The following PYM1 variants were observed in gnomAD, a reference collection of about 807,000 sequenced individuals.
PYM1 encodes the protein PYM1 exon junction complex associated factor.
In PYM1, 7 loss-of-function variants were observed where a neutral mutation model predicts 20.7. That is an observed-to-expected ratio of 0.34 (90% CI 0.19 to 0.64). The LOEUF (loss-of-function observed/expected upper bound fraction) is 0.64, where lower values mean the gene tolerates loss of function less well. Ranked by LOEUF, PYM1 falls within the 30% of genes least tolerant of loss-of-function variation. PYM1 has a pLI of 0.74. For missense variants in PYM1, 194 were observed against 250.0 expected (o/e 0.78, Z 1.51); for synonymous variants, 100 against 99.2 (o/e 1.01, Z -0.05).
rs1240092233 is a variant in PYM1, at chr12:55,926,203, CATT to C, written c.37+1519_37+1521del. On this transcript the variant is annotated intron_variant, in intron 1 of 2. Coordinates refer to ENST00000408946, the MANE Select transcript of PYM1 (RefSeq NM_032345.3). ...GCTTTTACATATATTATTTGATCAT[CATT>C]GAGTAGCTATTACTACTATGCATAT... 1.5e-4 allele frequency among the ~76,000 whole-genome samples: 23 copies of C among 152,200 alleles called. 1 individual carries two copies. Among genetic ancestry groups the C allele is most frequent in the East Asian group, 7.7e-4 (4 of 5,206 alleles).
At chr12:55,911,771 G>T (rs905697067) in intron 1 of PYM1, among the ~76,000 whole-genome samples, 1 of 151,950 alleles carries the variant, frequency 6.6e-6, no homozygotes, top group Non-Finnish European at 1.5e-5. Flanking sequence ...ATCCCAGGAG[G>T]GGGAGGTTGC....
intron 1 of PYM1, among the ~76,000 whole-genome samples, chr12:55,905,035 T>C (rs1283158847): frequency 2.0e-5 from 3 of 151,586 alleles, no homozygotes; most frequent in African/African-American, 2.4e-5. Flanking sequence ...AGAGTCTCGC[T>C]CTGTCGCCCA....
chr12:55,926,816 G>T (rs1480306828), intron 1 of PYM1, among the ~76,000 whole-genome samples: 7 of 152,166 alleles, frequency 4.6e-5, no homozygotes, highest in African/African-American at 1.7e-4. Context: ...CTGGAGAAAA[G>T]CTAAGGGCCC....
At chr12:55,919,933 G>T (rs1291107748) in intron 1 of PYM1, among the ~76,000 whole-genome samples, 1 of 151,962 alleles carries the variant, frequency 6.6e-6, no homozygotes, top group East Asian at 1.9e-4. Flanking sequence ...TAGGCTGGGT[G>T]CAGTGGCTCA....
At chr12:55,904,749 C>T (rs1416538016) in intron 1 of PYM1, among the ~76,000 whole-genome samples, 1 of 151,566 alleles carries the variant, frequency 6.6e-6, no homozygotes, top group African/African-American at 2.4e-5. Context: ...TGATGGCACA[C>T]GTCTGTAATC....
intron 1 of PYM1, among the ~76,000 whole-genome samples, chr12:55,905,056 C>G (rs140829745): frequency 0.083 from 12,589 of 151,596 alleles, 726 homozygotes; most frequent in Non-Finnish European, 0.13. Context: ...GGCTGGAGTG[C>G]AGTGGCGCAA....
chr12:55,904,962 T>C (rs1882766717), intron 1 of PYM1, among the ~76,000 whole-genome samples: 1 of 151,890 alleles, frequency 6.6e-6, no homozygotes, highest in South Asian at 2.1e-4. Context: ...ACACTGTTAT[T>C]TTATAATATG....
intron 1 of PYM1, among the ~76,000 whole-genome samples, chr12:55,926,469 C>T (rs1883188658): frequency 6.6e-6 from 1 of 152,198 alleles, no homozygotes; most frequent in Non-Finnish European, 1.5e-5. Flanking sequence ...CCCTCAATTT[C>T]TATCACCATC....
chr12:55,901,921 C>G lies in PYM1; in HGVS notation c.566G>C (p.Arg189Thr), dbSNP rs1003987636. 1.2e-6 allele frequency: 2 copies of G among 1,613,860 alleles called. No individual in the cohort carries two copies. The highest frequency in any genetic ancestry group is 2.7e-5 in the African/African-American group (2 of 74,904). ...TAACTCCTCTTCTAGCGCCCTCCTCCTTGCTAGCTTTTCTAGCTGCTCTTT... is the reference window on the plus strand; with the variant it reads ...TAACTCCTCTTCTAGCGCCCTCCTCGTTGCTAGCTTTTCTAGCTGCTCTTT... ...PSKEQLEKLA[R>T]RRALEEELED... is the part of the protein sequence containing the mutation. Residue 189 changes from arginine (R) to threonine (T), a missense_variant, in exon 3 of 3, where the codon AGG (arginine) becomes ACG (threonine). By Grantham distance (71) the Arg-to-Thr change is moderately conservative (BLOSUM62 -1). This residue lies in a region of PYM1 where 158 missense variants were observed against 179.0 expected (regional missense o/e 0.88). Transcript: ENST00000408946.
intron 1 of PYM1, among the ~76,000 whole-genome samples, chr12:55,919,564 C>A (rs553189509): frequency 6.6e-6 from 1 of 152,124 alleles, no homozygotes; most frequent in Admixed American, 6.6e-5. Flanking sequence ...CAAAATATGT[C>A]ATTTTACCTT....
At chr12:55,912,129 A>G (rs1285919193) in intron 1 of PYM1, among the ~76,000 whole-genome samples, 2 of 151,904 alleles carry the variant, frequency 1.3e-5, no homozygotes, top group Admixed American at 1.3e-4. Flanking sequence ...CAGGTGGGTC[A>G]CCTGAGGTCA....
At chr12:55,904,290 T>G (rs1220129023) in intron 1 of PYM1, among the ~76,000 whole-genome samples, 7 of 151,146 alleles carry the variant, frequency 4.6e-5, no homozygotes, top group Admixed American at 4.6e-4. Context: ...CGTTGATGCA[T>G]GATTTAAATT....
intron 1 of PYM1, chr12:55,927,067 C>T: frequency 6.6e-7 from 1 of 1,505,714 alleles, no homozygotes; most frequent in Non-Finnish European, 8.9e-7. Context: ...CCGCGCCTCC[C>T]GCACTCACCG....
chr12:55,921,087 C>G (rs943992742), intron 1 of PYM1, among the ~76,000 whole-genome samples: 3 of 152,090 alleles, frequency 2.0e-5, no homozygotes, highest in Admixed American at 2.0e-4. Flanking sequence ...AATACGATGA[C>G]CAGTTTAGGA....
At chr12:55,927,293 G>T in intron 1 of PYM1, 1 of 948,214 alleles carries the variant, frequency 1.1e-6, no homozygotes. Flanking sequence ...AAATAAAGCC[G>T]TGGGCTTTTT....
chr12:55,927,672 C>A, intron 1 of PYM1, 53 bp downstream of exon 1: 1 of 1,536,142 alleles, frequency 6.5e-7, no homozygotes, highest in Non-Finnish European at 8.7e-7. Flanking sequence ...CACTCAACCA[C>A]CAGAGACCCG....
intron 1 of PYM1, chr12:55,927,260 T>C (rs1482339277): frequency 8.9e-7 from 1 of 1,118,836 alleles, no homozygotes; most frequent in Non-Finnish European, 1.3e-6. Context: ...GGAGGAAGAG[T>C]GGAGAAGCTG....
At chr12:55,927,679 C>A (rs1025423017) in intron 1 of PYM1, 46 bp downstream of exon 1, 14 of 1,536,874 alleles carry the variant, frequency 9.1e-6, no homozygotes, top group Non-Finnish European at 1.2e-5. Context: ...CCACCAGAGA[C>A]CCGCGGGAGG....
chr12:55,920,050 A>T lies in PYM1; in HGVS notation c.37+7675T>A, dbSNP rs140363078. Among the ~76,000 whole-genome samples the T allele has an allele frequency of 7.5e-4, 114 of 152,174 alleles. 1 individual carries two copies. The highest frequency in any genetic ancestry group is 2.6e-3 in the African/African-American group (108 of 41,526). Reference sequence around the variant, plus strand: ...AGCTCTATAAAAAAATTCAAAAATTAGCCAGCCATGGTGGCGCATGCCTGT... The same window carrying T: ...AGCTCTATAAAAAAATTCAAAAATTTGCCAGCCATGGTGGCGCATGCCTGT... On this transcript the variant is annotated intron_variant, in intron 1 of 2. Transcript: ENST00000408946.
Sources: gnomAD v4.1 joint callset for allele counts (sites outside exome capture counted in the v4.1 genomes callset) on GRCh38, gnomAD v4.1.1 for gene constraint, gnomAD v4.1.1 regional missense constraint, MANE v1.5 for transcripts, NCBI Gene and HGNC (gene_info 2026-07-23, HGNC 2026-07-21) for gene names.